The following CHCHD3 variants were observed in gnomAD, a reference collection of about 807,000 sequenced individuals.
The protein encoded by CHCHD3 is coiled-coil-helix-coiled-coil-helix domain containing 3, also known as MICOS complex subunit MIC19.
In CHCHD3, 20 loss-of-function variants were observed where a neutral mutation model predicts 38.2. That is an observed-to-expected ratio of 0.52 (90% confidence interval 0.37 to 0.76). The LOEUF (loss-of-function observed/expected upper bound fraction) is 0.76. Ranked by LOEUF, CHCHD3 falls within the 30% of genes least tolerant of loss-of-function variation. The probability of loss-of-function intolerance (pLI) is 0.00; values close to 1 mark genes in which losing one functional copy is unlikely to be tolerated. For synonymous variants in CHCHD3, 82 were observed against 100.0 expected (o/e 0.82, Z 1.07); for missense variants, 245 against 279.2 (o/e 0.88, Z 0.87).
intron 6 of CHCHD3, among the ~76,000 whole-genome samples, chr7:132,821,984 G>A (rs909766948): frequency 3.9e-5 from 6 of 151,998 alleles, no homozygotes; most frequent in Non-Finnish European, 5.9e-5. Context: ...GGATGGTCTC[G>A]ATCTCCTGAC....
intron 3 of CHCHD3, among the ~76,000 whole-genome samples, chr7:132,984,372 G>T (rs1443600375): frequency 4.6e-5 from 7 of 151,576 alleles, no homozygotes; most frequent in Non-Finnish European, 7.4e-5. Context: ...GTGCTCAATG[G>T]TGCCCAGGCT....
At chr7:132,981,317 C>G (rs574095948) in intron 3 of CHCHD3, among the ~76,000 whole-genome samples, 2 of 152,256 alleles carry the variant, frequency 1.3e-5, no homozygotes, top group African/African-American at 4.8e-5. Flanking sequence ...GCTACTATCT[C>G]CATTTTTAAC....
intron 2 of CHCHD3, among the ~76,000 whole-genome samples, chr7:133,069,940 T>C (rs894796615): frequency 5.9e-5 from 9 of 152,132 alleles, no homozygotes; most frequent in Non-Finnish European, 1.2e-4. Context: ...AAAACAAAAT[T>C]TTCAAAGACT....
intron 6 of CHCHD3, among the ~76,000 whole-genome samples, chr7:132,799,403 G>C (rs1177016377): frequency 1.3e-5 from 2 of 152,142 alleles, no homozygotes; most frequent in Admixed American, 6.5e-5. Flanking sequence ...TATTCATAGA[G>C]TCAGCAATTG....
chr7:133,066,985 C>T (rs1157746219), intron 2 of CHCHD3, among the ~76,000 whole-genome samples: 1 of 152,194 alleles, frequency 6.6e-6, no homozygotes, highest in Admixed American at 6.5e-5. Context: ...TGGTTAACAG[C>T]ATTTGCTCTG....
intron 5 of CHCHD3, among the ~76,000 whole-genome samples, chr7:132,850,458 T>G (rs1427325253): frequency 6.6e-6 from 1 of 151,508 alleles, no homozygotes; most frequent in African/African-American, 2.4e-5. Context: ...TTGTTTTTTT[T>G]TTTTTTCTTG....
At chr7:132,924,176 G>A (rs1810321665) in intron 4 of CHCHD3, among the ~76,000 whole-genome samples, 1 of 152,122 alleles carries the variant, frequency 6.6e-6, no homozygotes, top group African/African-American at 2.4e-5. Context: ...GGTAAGATTA[G>A]GTGACAATGA....
chr7:133,070,673 C>T (rs561749791), intron 1 of CHCHD3, among the ~76,000 whole-genome samples: 2 of 142,440 alleles, frequency 1.4e-5, no homozygotes, highest in South Asian at 2.6e-4. Context: ...TAACCACATA[C>T]AATCGCTCTT....
intron 1 of CHCHD3, among the ~76,000 whole-genome samples, 187 bp downstream of exon 1, chr7:133,081,670 C>T (rs2117562131): frequency 1.3e-5 from 2 of 152,360 alleles, no homozygotes; most frequent in South Asian, 4.1e-4. Context: ...TTGGCACAAC[C>T]AGGAACTATC....
intron 4 of CHCHD3, among the ~76,000 whole-genome samples, chr7:132,890,356 C>T (rs111328701): frequency 6.6e-6 from 1 of 152,254 alleles, no homozygotes; most frequent in East Asian, 1.9e-4. Context: ...ATGAATATAA[C>T]ATACTGGGCT....
At chr7:132,963,913 T>C (rs1277516256) in intron 4 of CHCHD3, among the ~76,000 whole-genome samples, 1 of 152,154 alleles carries the variant, frequency 6.6e-6, no homozygotes, top group Non-Finnish European at 1.5e-5. Flanking sequence ...AATTGAAAAA[T>C]ACATTAACAA....
chr7:133,019,793 T>C (rs1421989809), intron 3 of CHCHD3, among the ~76,000 whole-genome samples: 1 of 152,138 alleles, frequency 6.6e-6, no homozygotes, highest in East Asian at 1.9e-4. Flanking sequence ...ATGCCAAAGG[T>C]CAGAGGTCAG....
chr7:132,848,882 C>A (rs1280653712), intron 5 of CHCHD3, among the ~76,000 whole-genome samples: 1 of 152,146 alleles, frequency 6.6e-6, no homozygotes, highest in Non-Finnish European at 1.5e-5. Flanking sequence ...TTATCCCCTA[C>A]CCTCCGTCTT....
chr7:133,027,873 A>G (rs1020034504), intron 2 of CHCHD3, among the ~76,000 whole-genome samples: 19 of 152,170 alleles, frequency 1.2e-4, no homozygotes, highest in African/African-American at 4.1e-4. Context: ...CAAAAAGTCC[A>G]AATAGTCTGC....
chr7:132,893,647 C>A (rs147430742), intron 4 of CHCHD3, among the ~76,000 whole-genome samples: 1 of 152,202 alleles, frequency 6.6e-6, no homozygotes, highest in Non-Finnish European at 1.5e-5. Context: ...ATAATCTCCA[C>A]GTGTCAAGGG....
chr7:132,966,342 A>T (rs1020974022), intron 4 of CHCHD3, among the ~76,000 whole-genome samples: 3 of 152,222 alleles, frequency 2.0e-5, no homozygotes, highest in Non-Finnish European at 2.9e-5. Flanking sequence ...TACAAGATAC[A>T]TGAAGATAGC....
chr7:132,970,585 T>G (rs1215500657), intron 4 of CHCHD3, among the ~76,000 whole-genome samples: 1 of 152,210 alleles, frequency 6.6e-6, no homozygotes, highest in Non-Finnish European at 1.5e-5. Context: ...TTAGTGTATC[T>G]TTTACCTTTT....
chr7:132,874,885 C>A (rs916199795), intron 5 of CHCHD3, among the ~76,000 whole-genome samples: 8 of 152,128 alleles, frequency 5.3e-5, no homozygotes, highest in African/African-American at 1.9e-4. Context: ...GAGCACCGCA[C>A]CTTTAGGACC....
At chr7:132,936,849 C>T (rs1352577464) in intron 4 of CHCHD3, among the ~76,000 whole-genome samples, 1 of 152,150 alleles carries the variant, frequency 6.6e-6, no homozygotes, top group Non-Finnish European at 1.5e-5. Context: ...GCTTGAAGCC[C>T]CCATTGCTTG....
Sources: gnomAD v4.1 joint callset for allele counts (sites outside exome capture counted in the v4.1 genomes callset) on GRCh38, gnomAD v4.1.1 for gene constraint, MANE v1.5 for transcripts, NCBI Gene and HGNC (gene_info 2026-07-23, HGNC 2026-07-21) for gene names.